SGCD: variants seen among roughly 807,000 people sequenced by gnomAD.
The protein encoded by SGCD is delta-sarcoglycan.
SGCD carries 18 observed loss-of-function variants against 36.6 expected under a neutral mutation model. The ratio of observed to expected loss-of-function variants is 0.49; its 90% CI spans 0.34 to 0.73. SGCD has a LOEUF of 0.73. Ranked by LOEUF, SGCD falls within the 30% of genes least tolerant of loss-of-function variation. The pLI is 0.01. For missense variants in SGCD, 387 were observed against 346.7 expected, an observed-to-expected ratio of 1.12 and a Z score of -0.92; for synonymous variants, 133 against 130.6, an observed-to-expected ratio of 1.02 and a Z score of -0.12.
intron 3 of SGCD, among the ~76,000 whole-genome samples, chr5:156,287,774 C>G (rs1036882084): frequency 1.3e-4 from 20 of 152,128 alleles, no homozygotes; most frequent in African/African-American, 4.3e-4. Flanking sequence ...TGTCTCTCAC[C>G]TGTAATCCCA....
intron 4 of SGCD, among the ~76,000 whole-genome samples, chr5:156,516,366 G>T (rs780124810): frequency 1.3e-5 from 2 of 152,186 alleles, no homozygotes; most frequent in African/African-American, 2.4e-5. Context: ...GACTCCACTG[G>T]TGACACCTCC....
intron 7 of SGCD, among the ~76,000 whole-genome samples, chr5:156,742,582 T>G (rs1048550341): frequency 1.3e-5 from 2 of 152,164 alleles, no homozygotes; most frequent in African/African-American, 4.8e-5. Context: ...CTTTCCACTC[T>G]GTTAGAGAAA....
At chr5:156,390,873 G>T (rs139122306) in intron 3 of SGCD, among the ~76,000 whole-genome samples, 5 of 152,186 alleles carry the variant, frequency 3.3e-5, no homozygotes, top group Non-Finnish European at 7.4e-5. Context: ...GAGTCAAAAT[G>T]CTTACAAAAA....
At position 156,059,285 on chromosome 5, in the gene SGCD, G is replaced by C. The variant is rs976448488; in HGVS notation, c.-281-58593G>C. Among the ~76,000 whole-genome samples, 6 of 145,450 alleles carry C rather than the reference G, an allele frequency of 4.1e-5. 1 individual carries two copies. The highest frequency in any genetic ancestry group is 1.4e-4 in the Admixed American group (2 of 14,520). ...CCAGCTGAGAGAGAGACAGTAACCAGGAAAGGGAAGGCGGGTTTATTTAGC... is the reference window on the plus strand; with the variant it reads ...CCAGCTGAGAGAGAGACAGTAACCACGAAAGGGAAGGCGGGTTTATTTAGC... On this transcript the variant is annotated intron_variant, in intron 1 of 9. Transcript: ENST00000517913.
chr5:156,240,725 TTTTTG>T (rs946560573), intron 3 of SGCD, among the ~76,000 whole-genome samples: 1 of 152,188 alleles, frequency 6.6e-6, no homozygotes, highest in African/African-American at 2.4e-5. Context: ...TGTTTTTGAG[TTTTTG>T]TTTTGTGTTT....
At chr5:156,385,782 T>C (rs540128896) in intron 3 of SGCD, among the ~76,000 whole-genome samples, 3 of 152,262 alleles carry the variant, frequency 2.0e-5, no homozygotes, top group East Asian at 1.9e-4. Flanking sequence ...GAGTGATGGA[T>C]TTAGATGCAT....
intron 3 of SGCD, among the ~76,000 whole-genome samples, chr5:156,424,745 A>G (rs773293028): frequency 9.9e-5 from 15 of 152,050 alleles, no homozygotes; most frequent in Non-Finnish European, 2.1e-4. Flanking sequence ...TCTTCCAGCA[A>G]AAGGACGCTA....
intron 4 of SGCD, among the ~76,000 whole-genome samples, chr5:156,532,748 A>G (rs1250650068): frequency 1.3e-5 from 2 of 152,236 alleles, no homozygotes; most frequent in Non-Finnish European, 1.5e-5. Flanking sequence ...GGCGTGAGCC[A>G]CCAAGTCTGC....
chr5:156,160,797 G>C (rs1763070292), intron 3 of SGCD, among the ~76,000 whole-genome samples: 1 of 151,488 alleles, frequency 6.6e-6, no homozygotes, highest in Non-Finnish European at 1.5e-5. Flanking sequence ...GATATTTTCT[G>C]TCTTTTCTTC....
At chr5:156,011,245 CA>C (rs1758854378) in intron 1 of SGCD, among the ~76,000 whole-genome samples, 7 of 152,044 alleles carry the variant, frequency 4.6e-5, no homozygotes. Flanking sequence ...ATATCTTTTT[CA>C]AAATCCTTCA....
chr5:156,657,086 G>A (rs184197615), intron 7 of SGCD, among the ~76,000 whole-genome samples: 3 of 151,896 alleles, frequency 2.0e-5, no homozygotes, highest in Non-Finnish European at 2.9e-5. Flanking sequence ...ATATTTATAG[G>A]CTTTCTGTGA....
At chr5:155,943,407 G>A (rs1757373314) in intron 1 of SGCD, among the ~76,000 whole-genome samples, 1 of 151,950 alleles carries the variant, frequency 6.6e-6, no homozygotes, top group Non-Finnish European at 1.5e-5. Flanking sequence ...AATCTACCCT[G>A]GGAGTCTGTT....
At chr5:155,890,598 C>T (rs1756102361) in intron 1 of SGCD, among the ~76,000 whole-genome samples, 1 of 151,022 alleles carries the variant, frequency 6.6e-6, no homozygotes, top group African/African-American at 2.4e-5. Context: ...ACAGTGATAC[C>T]CTGTTTCTAA....
intron 2 of SGCD, among the ~76,000 whole-genome samples, chr5:156,336,110 C>G (rs560615339): frequency 1.3e-5 from 2 of 152,272 alleles, no homozygotes; most frequent in South Asian, 4.1e-4. Context: ...TGCCTGTGCC[C>G]AAGCTAATTT....
chr5:155,885,211 T>C (rs1755973815), intron 1 of SGCD, among the ~76,000 whole-genome samples: 1 of 116,264 alleles, frequency 8.6e-6, no homozygotes, highest in Non-Finnish European at 1.6e-5. Flanking sequence ...TACTAGATGT[T>C]GTAGGAGGTG....
At chr5:156,348,855 T>C (rs574681092) in intron 3 of SGCD, among the ~76,000 whole-genome samples, 36 of 152,248 alleles carry the variant, frequency 2.4e-4, no homozygotes, top group Non-Finnish European at 4.4e-4. Context: ...CAAATTATAC[T>C]ACAAGGCTAT....
At chr5:156,038,096 A>G (rs1759543286) in intron 1 of SGCD, among the ~76,000 whole-genome samples, 1 of 152,142 alleles carries the variant, frequency 6.6e-6, no homozygotes, top group African/African-American at 2.4e-5. Flanking sequence ...GGGGATAGAG[A>G]CCAGGGAAAT....
intron 6 of SGCD, among the ~76,000 whole-genome samples, chr5:156,634,538 G>T (rs560346873): frequency 2.0e-4 from 31 of 152,288 alleles, no homozygotes; most frequent in African/African-American, 7.5e-4. Flanking sequence ...CTTATCTACT[G>T]AATGATTCTG....
chr5:156,694,479 T>C (rs188564741), intron 7 of SGCD, among the ~76,000 whole-genome samples: 6 of 152,214 alleles, frequency 3.9e-5, no homozygotes, highest in Admixed American at 2.6e-4. Context: ...TTTCTAAATA[T>C]TGTTTGCTTT....
Sources: allele counts gnomAD v4.1 joint callset (sites outside exome capture counted in the v4.1 genomes callset), GRCh38; gene constraint gnomAD v4.1.1; transcripts MANE v1.5; gene names NCBI Gene and HGNC (gene_info 2026-07-23, HGNC 2026-07-21).